Variants in COL11A1 observed in about 807,000 individuals in gnomAD.
COL11A1 encodes the protein collagen type XI alpha 1 chain, also known as collagen alpha-1(XI) chain.
A neutral mutation model predicts 265.2 loss-of-function variants in COL11A1; 74 were observed. The ratio of observed to expected loss-of-function variants is 0.28; its 90% CI spans 0.23 to 0.34. The LOEUF is 0.34. Ranked by LOEUF, COL11A1 falls within the 10% of genes least tolerant of loss-of-function variation. The pLI, the probability that COL11A1 is intolerant of heterozygous loss-of-function variation, is 1.00. For synonymous variants in COL11A1, 816 were observed against 727.6 expected (o/e 1.12, Z -1.96); for missense variants, 2,165 against 2,263.6 (o/e 0.96, Z 0.88).
intron 65 of COL11A1, among the ~76,000 whole-genome samples, chr1:102,880,750 T>C (rs1251731960): frequency 2.0e-5 from 3 of 152,072 alleles, no homozygotes; most frequent in Non-Finnish European, 2.9e-5. Flanking sequence ...AAGGCAGTTA[T>C]TTGTTACTTT....
chr1:103,080,260 T>C (rs1456163845), intron 2 of COL11A1, among the ~76,000 whole-genome samples: 2 of 151,896 alleles, frequency 1.3e-5, no homozygotes, highest in African/African-American at 4.8e-5. Context: ...AGTATCTCAA[T>C]TGAAAGTTCT....
intron 3 of COL11A1, among the ~76,000 whole-genome samples, chr1:103,077,597 G>C (rs1342179260): frequency 6.6e-6 from 1 of 151,940 alleles, no homozygotes; most frequent in Non-Finnish European, 1.5e-5. Flanking sequence ...AATATAATGA[G>C]TGTCAATGAT....
intron 28 of COL11A1, among the ~76,000 whole-genome samples, chr1:102,994,322 C>CT (rs200963201): frequency 0.98 from 149,017 of 152,100 alleles, 73,074 homozygotes; most frequent in East Asian, 1. Context: ...GGGTGGATTT[C>CT]CATTGAATGG....
Position 102,879,735 on chromosome 1 carries a change from T to A in COL11A1, c.5222A>T (p.Glu1741Val). 6.2e-7 allele frequency: 1 copy of A among 1,613,974 alleles called. No homozygotes were observed. The highest frequency in any genetic ancestry group is 8.5e-7 in the Non-Finnish European group (1 of 1,179,902). ...AAAAGGATTATTGTCATAGGACATC[T>A]CCTCATCATTTGATCCCAGGAAGCG... ...ALRFLGSNDE[E>V]MSYDNNPFIK... The change falls in exon 66 of 67, where the codon GAG becomes GTG. Residue 1741 changes from glutamate (E) to valine (V), a missense_variant. Glu to Val is a moderately radical substitution (Grantham distance 121). Coordinates refer to ENST00000370096, the MANE Select transcript of COL11A1 (RefSeq NM_001854.4).
chr1:102,936,031 T>C (rs1658104331), intron 44 of COL11A1, among the ~76,000 whole-genome samples: 1 of 152,170 alleles, frequency 6.6e-6, no homozygotes, highest in East Asian at 1.9e-4. Flanking sequence ...ATAGCATTAA[T>C]TGTATTTTAC....
At chr1:103,038,521 A>G (rs1320322614) in intron 4 of COL11A1, among the ~76,000 whole-genome samples, 1 of 152,120 alleles carries the variant, frequency 6.6e-6, no homozygotes, top group Non-Finnish European at 1.5e-5. Flanking sequence ...AGTGCAGCAC[A>G]TTAGAGGGAA....
intron 4 of COL11A1, among the ~76,000 whole-genome samples, chr1:103,059,304 G>A (rs1670478225): frequency 6.6e-6 from 1 of 152,090 alleles, no homozygotes; most frequent in Admixed American, 6.6e-5. Context: ...GGACTGTGAA[G>A]CACTGATAAA....
chr1:102,984,699 T>G (rs1270397743), intron 30 of COL11A1, among the ~76,000 whole-genome samples: 1 of 152,110 alleles, frequency 6.6e-6, no homozygotes, highest in African/African-American at 2.4e-5. Context: ...AACCTAGATA[T>G]GCAAAGAAAT....
intron 12 of COL11A1, among the ~76,000 whole-genome samples, 155 bp from the exon 13 acceptor site, chr1:103,014,749 T>C (rs990980817): frequency 1.3e-5 from 2 of 152,150 alleles, no homozygotes; most frequent in East Asian, 1.9e-4. Context: ...CTAGTTTGTA[T>C]TGTTTTTGCT....
At chr1:102,943,471 AC>A (rs67904806) in intron 42 of COL11A1, among the ~76,000 whole-genome samples, 28,544 of 149,594 alleles carry the variant, frequency 0.19, 2,981 homozygotes, top group Middle Eastern at 0.32. Context: ...ACACACACAC[AC>A]ACACACACAC....
chr1:103,007,462 A>G (rs1166828531), intron 15 of COL11A1, among the ~76,000 whole-genome samples: 1 of 152,230 alleles, frequency 6.6e-6, no homozygotes, highest in African/African-American at 2.4e-5. Context: ...TTGAAACAAT[A>G]TGCATATAAT....
rs1392711625 is a variant in COL11A1, at chr1:102,913,682, A to C, written c.3987T>G (p.Asp1329Glu). 6.2e-7 allele frequency: 1 copy of C among 1,613,428 alleles called. No individual in the cohort carries two copies. Residue 1329 changes from aspartate (D) to glutamate (E), a missense_variant, in exon 53 of 67, where the codon GAT becomes GAG. By Grantham distance (45) the Asp-to-Glu change is conservative (BLOSUM62 2). Coordinates refer to ENST00000370096, the MANE Select transcript of COL11A1 (RefSeq NM_001854.4). Reference protein sequence around the residue: ...PPGEPGPAGQDGVGGDKGEDG... With the variant: ...PPGEPGPAGQEGVGGDKGEDG... ...CTTCACCCTTGTCACCACCAACACC[A>C]TCTTGACCCTATAAGAGGCAATAAA...
intron 35 of COL11A1, among the ~76,000 whole-genome samples, chr1:102,975,647 G>A (rs891627377): frequency 5.9e-5 from 9 of 151,964 alleles, no homozygotes; most frequent in Non-Finnish European, 1.0e-4. Context: ...AAAAGTAATT[G>A]GTAAGAGATA....
chr1:102,879,565 C>A (rs1271171996), intron 66 of COL11A1, 118 bp downstream of exon 66: 5 of 853,028 alleles, frequency 5.9e-6, no homozygotes, highest in African/African-American at 3.3e-5. Flanking sequence ...GATTAAGCAA[C>A]AAATGTTAAT....
In COL11A1 at chr1:103,108,171, G is replaced by A. The variant is rs754339349; in HGVS notation, c.8C>T (p.Pro3Leu). ME[P>L]WSSRWKTKRW... ...TTTCGTTTTCCACCTAGAGGACCAC[G>A]GCTCCATCTCCGAGCCCCGCACTCA... is the stretch of plus-strand genomic sequence containing the variant. The change falls in exon 1 of 67, where the codon CCG becomes CTG. Residue 3 changes from proline to leucine, a missense_variant. Physicochemically the swap from Pro to Leu is moderately conservative, Grantham distance 98. Coordinates refer to ENST00000370096, the MANE Select transcript of COL11A1 (RefSeq NM_001854.4). The A allele has an allele frequency of 2.5e-6, 4 of 1,613,398 alleles. No homozygotes were observed. Among genetic ancestry groups the A allele is most frequent in the South Asian group, 2.2e-5 (2 of 91,030 alleles).
intron 49 of COL11A1, among the ~76,000 whole-genome samples, chr1:102,919,381 G>A (rs1036141451): frequency 1.3e-5 from 2 of 151,468 alleles, no homozygotes; most frequent in Admixed American, 6.6e-5. Context: ...AGAATTAAAT[G>A]CTTTAATTAA....
At chr1:103,073,336 C>T (rs1348550508) in intron 4 of COL11A1, among the ~76,000 whole-genome samples, 5 of 151,752 alleles carry the variant, frequency 3.3e-5, no homozygotes, top group Admixed American at 3.3e-4. Flanking sequence ...ATAATTTATT[C>T]ATAATTCACA....
intron 4 of COL11A1, among the ~76,000 whole-genome samples, chr1:103,067,738 T>C (rs1287319420): frequency 6.6e-6 from 1 of 151,538 alleles, no homozygotes; most frequent in Admixed American, 6.6e-5. Context: ...AAATACAAAT[T>C]ATTAATATAA....
chr1:102,941,371 T>G (rs1658705706), intron 42 of COL11A1, among the ~76,000 whole-genome samples: 1 of 152,174 alleles, frequency 6.6e-6, no homozygotes, highest in African/African-American at 2.4e-5. Flanking sequence ...TTCATCACAC[T>G]GCATCCAGAA....
Sources: gnomAD v4.1 joint callset for allele counts (sites outside exome capture counted in the v4.1 genomes callset) on GRCh38, gnomAD v4.1.1 for gene constraint, MANE v1.5 for transcripts, NCBI Gene and HGNC (gene_info 2026-07-23, HGNC 2026-07-21) for gene names.